CNTNAP2: variants seen among roughly 807,000 people sequenced by gnomAD.
CNTNAP2 encodes contactin associated protein 2, also known as contactin-associated protein-like 2.
Under a neutral mutation model 155.2 loss-of-function variants are expected in CNTNAP2, and 98 were observed. The ratio of observed to expected loss-of-function variants is 0.63; its 90% CI spans 0.54 to 0.75. CNTNAP2 has a LOEUF of 0.75. Ranked by LOEUF, CNTNAP2 falls within the 30% of genes least tolerant of loss-of-function variation. The pLI, the probability that CNTNAP2 is intolerant of heterozygous loss-of-function variation, is 0.00. For synonymous variants in CNTNAP2, 651 were observed against 631.2 expected (o/e 1.03, Z -0.47); for missense variants, 1,727 against 1,688.1 (o/e 1.02, Z -0.40).
At chr7:146,225,225 A>G (rs558496770) in intron 1 of CNTNAP2, among the ~76,000 whole-genome samples, 14 of 152,336 alleles carry the variant, frequency 9.2e-5, no homozygotes, top group African/African-American at 3.1e-4. Flanking sequence ...AACACTGATG[A>G]GTAGTAGTTT....
chr7:147,462,037 C>A (rs1431127880), intron 10 of CNTNAP2, among the ~76,000 whole-genome samples: 2 of 152,130 alleles, frequency 1.3e-5, no homozygotes, highest in East Asian at 3.8e-4. Flanking sequence ...ACACAATTTA[C>A]CATGCTGCTA....
At chr7:147,142,619 C>A (rs1193533215) in intron 8 of CNTNAP2, among the ~76,000 whole-genome samples, 2 of 152,046 alleles carry the variant, frequency 1.3e-5, no homozygotes, top group African/African-American at 4.8e-5. Context: ...CCCTCTTTTT[C>A]TATTGATTCG....
At chr7:146,290,681 C>G (rs1263775766) in intron 1 of CNTNAP2, among the ~76,000 whole-genome samples, 1 of 152,150 alleles carries the variant, frequency 6.6e-6, no homozygotes. Context: ...TCAGAAAAAA[C>G]TAGATCGAAA....
At chr7:146,557,131 G>C (rs1004446940) in intron 1 of CNTNAP2, among the ~76,000 whole-genome samples, 2 of 152,092 alleles carry the variant, frequency 1.3e-5, no homozygotes, top group South Asian at 4.2e-4. Context: ...TATTTGATTG[G>C]TATACATGCT....
intron 12 of CNTNAP2, among the ~76,000 whole-genome samples, chr7:147,637,078 C>T (rs1053584444): frequency 3.3e-5 from 5 of 152,126 alleles, no homozygotes; most frequent in African/African-American, 4.8e-5. Context: ...GGCATAGAGG[C>T]GGGGAGGAGC....
chr7:147,044,157 A>G (rs1244952462), intron 4 of CNTNAP2, 103 bp downstream of exon 4: 26 of 1,279,538 alleles, frequency 2.0e-5, no homozygotes, highest in Non-Finnish European at 2.7e-5. Context: ...CTCTGACAAT[A>G]AACTACCTTC....
intron 13 of CNTNAP2, among the ~76,000 whole-genome samples, chr7:147,782,021 TAAAA>T (rs11390927): frequency 1.5e-5 from 2 of 137,812 alleles, no homozygotes; most frequent in African/African-American, 2.7e-5. Flanking sequence ...AGATTCCGTT[TAAAA>T]AAAAAAAAAA....
At chr7:147,256,871 G>A (rs534559197) in intron 8 of CNTNAP2, among the ~76,000 whole-genome samples, 13 of 151,916 alleles carry the variant, frequency 8.6e-5, no homozygotes, top group South Asian at 4.2e-4. Context: ...CAGGACTGAC[G>A]TTGAGTGAAG....
At chr7:146,262,144 A>C (rs1433803717) in intron 1 of CNTNAP2, among the ~76,000 whole-genome samples, 1 of 152,120 alleles carries the variant, frequency 6.6e-6, no homozygotes, top group Non-Finnish European at 1.5e-5. Context: ...GACCTTAGCC[A>C]CTAACTTCTT....
In CNTNAP2 at chr7:146,474,346, T is replaced by A. The variant is rs10274641; in HGVS notation, c.98-299925T>A. ...CAAAACATATACTTACCACTCATCTTGGAACAATTTTGAGAACATTTGCCA... is the reference window on the plus strand; with the variant it reads ...CAAAACATATACTTACCACTCATCTAGGAACAATTTTGAGAACATTTGCCA... On this transcript the variant is annotated intron_variant, in intron 1 of 23. Coordinates refer to ENST00000361727, the MANE Select transcript of CNTNAP2 (RefSeq NM_014141.6). Among the ~76,000 whole-genome samples the A allele has an allele frequency of 4.7e-3, 711 of 150,174 alleles. 7 individuals carry two copies. Among genetic ancestry groups the A allele is most frequent in the African/African-American group, 0.016 (662 of 41,222 alleles).
At chr7:146,822,522 C>T (rs1217260373) in intron 2 of CNTNAP2, among the ~76,000 whole-genome samples, 1 of 150,650 alleles carries the variant, frequency 6.6e-6, no homozygotes, top group Non-Finnish European at 1.5e-5. Context: ...TCCCACCTTC[C>T]CCTGTTTTTA....
intron 4 of CNTNAP2, among the ~76,000 whole-genome samples, chr7:147,060,900 G>T (rs1414425904): frequency 1.3e-5 from 2 of 151,766 alleles, no homozygotes; most frequent in East Asian, 3.9e-4. Context: ...AAAAAACTGC[G>T]CAAAAATTAC....
intron 19 of CNTNAP2, among the ~76,000 whole-genome samples, chr7:148,222,104 C>T (rs4291186): frequency 2.0e-5 from 3 of 151,938 alleles, no homozygotes; most frequent in African/African-American, 4.8e-5. Context: ...GTAGGACAGC[C>T]GTGGGCTTCA....
intron 14 of CNTNAP2, among the ~76,000 whole-genome samples, chr7:147,971,766 G>A (rs527871935): frequency 1.3e-5 from 2 of 152,268 alleles, no homozygotes; most frequent in Non-Finnish European, 2.9e-5. Flanking sequence ...CTACCTAAAA[G>A]GCTTTGTGTG....
intron 21 of CNTNAP2, among the ~76,000 whole-genome samples, chr7:148,273,108 A>C (rs1223033486): frequency 6.6e-6 from 1 of 152,216 alleles, no homozygotes; most frequent in Non-Finnish European, 1.5e-5. Flanking sequence ...ACTTTGAGGT[A>C]ATGAACTCTC....
intron 1 of CNTNAP2, among the ~76,000 whole-genome samples, chr7:146,238,172 C>T (rs1245184331): frequency 6.6e-6 from 1 of 152,172 alleles, no homozygotes; most frequent in East Asian, 1.9e-4. Flanking sequence ...TGCATATCTT[C>T]TGCTATAAAT....
intron 21 of CNTNAP2, among the ~76,000 whole-genome samples, chr7:148,308,551 GTATTTATTTATTTATTTATTTATT>G (rs72136288): frequency 1.3e-5 from 2 of 148,298 alleles, no homozygotes; most frequent in African/African-American, 2.5e-5. Context: ...ACCTATTTAT[GTATTTATTTATTTATTTATTTATT>G]TATTTATTTA....
chr7:146,467,300 G>C (rs1182140272), intron 1 of CNTNAP2, among the ~76,000 whole-genome samples: 2 of 152,092 alleles, frequency 1.3e-5, no homozygotes, highest in Non-Finnish European at 2.9e-5. Context: ...CAAAAACCAA[G>C]TATTTGTGAT....
Position 146,330,297 on chromosome 7 carries a change from C to T in CNTNAP2, c.97+213324C>T, listed in dbSNP as rs552923905. Among the ~76,000 whole-genome samples, 91 of 152,228 alleles carry T rather than the reference C, an allele frequency of 6.0e-4. No individual in the cohort carries two copies. In the South Asian group the frequency reaches 0.018, roughly 31 times the overall value. ...TCGGCCTCCCAAAGTGCTGGGATTA[C>T]AGGCGTGAGCCACTGCGCCCGGCTC... On this transcript the variant is annotated intron_variant, in intron 1 of 23. Transcript: ENST00000361727.
Sources: gnomAD v4.1 joint callset for allele counts (sites outside exome capture counted in the v4.1 genomes callset) on GRCh38, gnomAD v4.1.1 for gene constraint, MANE v1.5 for transcripts, NCBI Gene and HGNC (gene_info 2026-07-23, HGNC 2026-07-21) for gene names.